Variants in SH3BGR observed in about 807,000 individuals in gnomAD.
SH3BGR encodes SH3 domain binding glutamate rich protein.
A neutral mutation model predicts 24.5 loss-of-function variants in SH3BGR; 29 were observed. The observed-to-expected ratio is 1.18, with a 90% CI of 0.88 to 1.61. SH3BGR has a LOEUF of 1.61. Among genes scored for constraint, SH3BGR ranks in the 40% most tolerant of loss-of-function variants. The probability of loss-of-function intolerance (pLI) is 0.00; values close to 1 mark genes in which losing one functional copy is unlikely to be tolerated. For synonymous variants in SH3BGR, 55 were observed against 65.7 expected, an observed-to-expected ratio of 0.84 and a Z score of 0.79; for missense variants, 162 against 205.8, an observed-to-expected ratio of 0.79 and a Z score of 1.30.
chr21:39,494,265 G>C (rs1359316822), intron 3 of SH3BGR, among the ~76,000 whole-genome samples: 1 of 136,454 alleles, frequency 7.3e-6, no homozygotes, highest in Non-Finnish European at 1.6e-5. Context: ...TTTTTTTTAA[G>C]TAGGAGGTAA....
In SH3BGR at chr21:39,497,822, A is replaced by G. The variant is rs147140682; in HGVS notation, c.313-2001A>G. On this transcript the variant is annotated intron_variant, in intron 3 of 6. Coordinates refer to ENST00000333634, the MANE Select transcript of SH3BGR (RefSeq NM_007341.3). ...AACATATTGGTAAACATTAGAAATA[A>G]CAATCATCTTCACTGGTTATGAGGA... Among the ~76,000 whole-genome samples, 57 of 152,350 alleles carry G rather than the reference A, an allele frequency of 3.7e-4. 1 individual carries two copies. In the East Asian group the frequency reaches 7.5e-3, roughly 20 times the overall value.
intron 5 of SH3BGR, among the ~76,000 whole-genome samples, chr21:39,510,908 A>AATATATATAT (rs1340963103): frequency 1.5e-4 from 3 of 20,272 alleles, no homozygotes; most frequent in Admixed American, 7.3e-4. Context: ...GATTCTTCTA[A>AATATATATAT]CTATATATAT....
chr21:39,451,971 G>A lies in SH3BGR; in HGVS notation c.-126G>A. ...GTTGGAGCGGGACTGCCGGAGCCCA[G>A]TGGACCCCTGGGCTGCTGCCAGCCC... On this transcript the variant is annotated 5_prime_UTR_variant, in exon 1 of 7. The change creates a new upstream start codon in the 5' untranslated region. Coordinates refer to ENST00000333634, the MANE Select transcript of SH3BGR (RefSeq NM_007341.3). 6.2e-7 allele frequency: 1 copy of A among 1,614,200 alleles called. No homozygotes were observed.
Position 39,467,747 on chromosome 21 carries a change from A to G in SH3BGR, c.231+5187A>G, listed in dbSNP as rs548626089. 5.9e-5 allele frequency among the ~76,000 whole-genome samples: 9 copies of G among 152,276 alleles called. No individual in the cohort carries two copies. The East Asian group carries it at 1.7e-3, about 29-fold the overall frequency. On this transcript the variant is annotated intron_variant, in intron 2 of 6. Coordinates refer to ENST00000333634, the MANE Select transcript of SH3BGR (RefSeq NM_007341.3). ...CATGCCTGATGATGGCAGCAGGTGG[A>G]AGGAGACCCCAGAGGCAAGCAGTAG...
chr21:39,471,124 C>T (rs2077932497), intron 2 of SH3BGR, among the ~76,000 whole-genome samples: 2 of 151,986 alleles, frequency 1.3e-5, no homozygotes, highest in Non-Finnish European at 2.9e-5. Flanking sequence ...TCCTTTTCTT[C>T]TTCCTCTTTC....
intron 1 of SH3BGR, among the ~76,000 whole-genome samples, chr21:39,457,407 TATA>T (rs1382650317): frequency 1.4e-5 from 2 of 143,762 alleles, no homozygotes. Flanking sequence ...ATATAAATCT[TATA>T]TATAAGATTA....
intron 1 of SH3BGR, among the ~76,000 whole-genome samples, chr21:39,453,424 A>G (rs1377589262): frequency 2.6e-5 from 4 of 151,702 alleles, no homozygotes; most frequent in African/African-American, 7.3e-5. Context: ...TTTGGGGGGG[A>G]AAATGGTTTT....
intron 6 of SH3BGR, among the ~76,000 whole-genome samples, chr21:39,514,739 C>A (rs2078753407): frequency 6.6e-6 from 1 of 152,208 alleles, no homozygotes; most frequent in Admixed American, 6.5e-5. Context: ...CCAAAGCTTG[C>A]CACTTAATAC....
chr21:39,499,853 A>G lies in SH3BGR; in HGVS notation c.343A>G (p.Thr115Ala), dbSNP rs768403783. ...GSEKAEEGGE[T>A]EAQKEGSEDV... ...AGAGAAGGCTGAAGAAGGTGGAGAA[A>G]CTGAGGCACAAAAAGAGGGCAGTGA... Residue 115 changes from threonine to alanine, a missense_variant, in exon 4 of 7, where the codon ACT becomes GCT. Coordinates refer to ENST00000333634, the MANE Select transcript of SH3BGR (RefSeq NM_007341.3). 1.9e-6 allele frequency: 3 copies of G among 1,613,764 alleles called. No homozygotes were observed. In the African/African-American group the frequency reaches 4.0e-5, roughly 22 times the overall value.
At chr21:39,508,537 G>A (rs1263126227) in intron 4 of SH3BGR, among the ~76,000 whole-genome samples, 1 of 152,198 alleles carries the variant, frequency 6.6e-6, no homozygotes, top group Non-Finnish European at 1.5e-5. Context: ...TGTTCTCATA[G>A]AGGAAAAGTT....
intron 3 of SH3BGR, among the ~76,000 whole-genome samples, chr21:39,478,738 T>TG (rs1237366296): frequency 3.3e-5 from 5 of 152,106 alleles, no homozygotes; most frequent in Non-Finnish European, 7.4e-5. Context: ...TTTTCTGCTT[T>TG]CTGGGATATT....
intron 3 of SH3BGR, among the ~76,000 whole-genome samples, chr21:39,486,663 C>T (rs1035018414): frequency 1.4e-4 from 21 of 152,320 alleles, no homozygotes; most frequent in African/African-American, 4.3e-4. Context: ...TGGTTGATAA[C>T]TTAAGCACCT....
chr21:39,484,122 A>T (rs1482877866), intron 3 of SH3BGR, among the ~76,000 whole-genome samples: 1 of 152,144 alleles, frequency 6.6e-6, no homozygotes, highest in Non-Finnish European at 1.5e-5. Context: ...CTGTGTCTGG[A>T]CTTTTTTCTT....
chr21:39,472,980 G>A (rs2077966431), intron 2 of SH3BGR, among the ~76,000 whole-genome samples: 1 of 152,122 alleles, frequency 6.6e-6, no homozygotes, highest in Non-Finnish European at 1.5e-5. Flanking sequence ...ACTCTTTTAT[G>A]CCAGGTCAGC....
chr21:39,451,904 C>T, upstream of SH3BGR: 1 of 1,613,642 alleles, frequency 6.2e-7, no homozygotes, highest in Non-Finnish European at 8.5e-7. Flanking sequence ...GGGAGGAGCC[C>T]AAGATGCCTC....
Position 39,510,451 on chromosome 21 carries a change from CA to C in SH3BGR, c.436-1228del, listed in dbSNP as rs1425682590. Among the ~76,000 whole-genome samples, 30 of 103,434 alleles carry C rather than the reference CA, an allele frequency of 2.9e-4. 5 individuals carry two copies. The highest frequency in any genetic ancestry group is 1.1e-3 in the African/African-American group (29 of 25,570). The allele number at this position is 103,434 out of a possible 152,430, so 67.9% of individuals were successfully genotyped here. A position where few individuals can be genotyped will look rare whatever the true frequency, so the allele number is the denominator to read the frequency against. On this transcript the variant is annotated intron_variant, in intron 5 of 6. Transcript: ENST00000333634. ...AGCTACACACACACACACACACACA[CA>C]CACTGTAGCTACACACACACACACA...
At chr21:39,475,402 A>T (rs1025182883) in intron 3 of SH3BGR, among the ~76,000 whole-genome samples, 187 bp downstream of exon 3, 2 of 152,202 alleles carry the variant, frequency 1.3e-5, no homozygotes, top group African/African-American at 2.4e-5. Context: ...TTCCAAAATT[A>T]TGCTTTTCAT....
At chr21:39,498,979 A>G (rs774531819) in intron 3 of SH3BGR, among the ~76,000 whole-genome samples, 93 of 152,308 alleles carry the variant, frequency 6.1e-4, no homozygotes, top group Admixed American at 1.3e-4. Flanking sequence ...GTGGAAGGTG[A>G]AGGGGAAGCA....
intron 4 of SH3BGR, among the ~76,000 whole-genome samples, chr21:39,502,274 A>G (rs979720237): frequency 2.0e-5 from 3 of 152,362 alleles, no homozygotes; most frequent in Non-Finnish European, 2.9e-5. Context: ...AATCAGAAAG[A>G]CAAGGGAGAG....
Sources: gnomAD v4.1 joint callset for allele counts (sites outside exome capture counted in the v4.1 genomes callset) on GRCh38, gnomAD v4.1.1 for gene constraint, MANE v1.5 for transcripts, NCBI Gene and HGNC (gene_info 2026-07-23, HGNC 2026-07-21) for gene names.